COL13A1: variants seen among roughly 807,000 people sequenced by gnomAD.
COL13A1 encodes collagen type XIII alpha 1 chain.
A neutral mutation model predicts 130.9 loss-of-function variants in COL13A1; 89 were observed. The ratio of observed to expected loss-of-function variants is 0.68; its 90% CI spans 0.57 to 0.81. The LOEUF is 0.81. Among genes scored for constraint, COL13A1 ranks in the 30% least tolerant of loss-of-function variants. COL13A1 has a pLI of 0.00. For missense variants in COL13A1, 879 were observed against 934.6 expected, an observed-to-expected ratio of 0.94 and a Z score of 0.78; for synonymous variants, 402 against 341.6, an observed-to-expected ratio of 1.18 and a Z score of -1.95.
rs557116109 is a variant in COL13A1, at chr10:69,923,061, G to A, written c.1230+267G>A. 9.8e-5 allele frequency among the ~76,000 whole-genome samples: 15 copies of A among 152,332 alleles called. No homozygotes were observed. In the South Asian group the frequency reaches 3.1e-3, roughly 32 times the overall value. Reference sequence around the variant, plus strand: ...ATTCAGATGACTCTGATGTAACTGAGTCAGGGCGCAATGGCTGCAGGACCT... The same window carrying A: ...ATTCAGATGACTCTGATGTAACTGAATCAGGGCGCAATGGCTGCAGGACCT... On this transcript the variant is annotated intron_variant, in intron 23 of 40. Transcript: ENST00000645393.
At chr10:69,847,058 C>G (rs964613301) in intron 2 of COL13A1, among the ~76,000 whole-genome samples, 3 of 152,248 alleles carry the variant, frequency 2.0e-5, no homozygotes, top group Non-Finnish European at 4.4e-5. Context: ...GCTTCTTCAT[C>G]TTCTCTATTG....
chr10:69,882,079 C>T (rs1228419915), intron 7 of COL13A1, among the ~76,000 whole-genome samples: 2 of 152,200 alleles, frequency 1.3e-5, no homozygotes, highest in Non-Finnish European at 2.9e-5. Flanking sequence ...GCACCAATGC[C>T]CTGGCCAAAT....
chr10:69,900,554 A>G (rs1184596790), intron 14 of COL13A1, among the ~76,000 whole-genome samples: 1 of 152,224 alleles, frequency 6.6e-6, no homozygotes, highest in African/African-American at 2.4e-5. Flanking sequence ...CAGGTTTTTT[A>G]TGCTGTCAGC....
intron 1 of COL13A1, among the ~76,000 whole-genome samples, chr10:69,804,581 C>T (rs1374888261): frequency 1.3e-5 from 2 of 151,324 alleles, no homozygotes; most frequent in African/African-American, 2.4e-5. Flanking sequence ...AGTCACATGG[C>T]GAGGCCCAGG....
At chr10:69,907,726 A>C (rs1338690029) in intron 17 of COL13A1, among the ~76,000 whole-genome samples, 5 of 151,212 alleles carry the variant, frequency 3.3e-5, no homozygotes, top group African/African-American at 1.2e-4. Context: ...TAACTAACCC[A>C]CTCCTGCAAT....
At chr10:69,895,144 C>G (rs1439471139) in intron 12 of COL13A1, among the ~76,000 whole-genome samples, 1 of 152,226 alleles carries the variant, frequency 6.6e-6, no homozygotes, top group Non-Finnish European at 1.5e-5. Flanking sequence ...GCCTGGCGCT[C>G]CCAGCTCAGA....
chr10:69,900,509 T>A (rs904675080), intron 14 of COL13A1, among the ~76,000 whole-genome samples: 8 of 152,232 alleles, frequency 5.3e-5, no homozygotes, highest in African/African-American at 1.9e-4. Context: ...ACGAGGCACC[T>A]CTGAGCTACC....
intron 2 of COL13A1, among the ~76,000 whole-genome samples, chr10:69,847,681 C>T (rs917430519): frequency 6.6e-6 from 1 of 152,204 alleles, no homozygotes; most frequent in Non-Finnish European, 1.5e-5. Flanking sequence ...AGCATCTCAG[C>T]TTGGGAGGAA....
chr10:69,934,538 G>A (rs1332743058), intron 31 of COL13A1, among the ~76,000 whole-genome samples: 1 of 152,234 alleles, frequency 6.6e-6, no homozygotes, highest in African/African-American at 2.4e-5. Flanking sequence ...GGGAAGACGA[G>A]GCACCTGAGG....
intron 17 of COL13A1, among the ~76,000 whole-genome samples, chr10:69,910,501 C>T (rs1027802016): frequency 5.9e-5 from 9 of 152,296 alleles, no homozygotes; most frequent in Admixed American, 5.2e-4. Flanking sequence ...CCACCACCCC[C>T]AGCAGCTGGA....
chr10:69,822,296 A>G, intron 1 of COL13A1, 73 bp from the exon 2 acceptor site: 1 of 1,209,430 alleles, frequency 8.3e-7, no homozygotes, highest in Non-Finnish European at 1.1e-6. Context: ...CCTCCTCGTC[A>G]GCCCACAGCT....
rs540232470 is a variant in COL13A1, at chr10:69,898,560, C to T, written c.685-137C>T. ...CCTTCCCTCCCACTCCTCATGTGCACGCTAATCTCTCTTCTCTCTTCCTCT... is the reference window on the plus strand; with the variant it reads ...CCTTCCCTCCCACTCCTCATGTGCATGCTAATCTCTCTTCTCTCTTCCTCT... On this transcript the variant is annotated intron_variant, in intron 13 of 40. Coordinates refer to ENST00000645393, the MANE Select transcript of COL13A1 (RefSeq NM_001368882.1). The T allele has an allele frequency of 3.4e-4, 219 of 648,982 alleles. 2 individuals are homozygous for T. The Admixed American group carries it at 5.2e-3, about 16-fold the overall frequency. The allele number at this position is 648,982 out of a possible 1,614,324, so 40.2% of individuals were successfully genotyped here.
At chr10:69,836,409 C>T (rs1248622265) in intron 2 of COL13A1, among the ~76,000 whole-genome samples, 1 of 152,202 alleles carries the variant, frequency 6.6e-6, no homozygotes, top group Non-Finnish European at 1.5e-5. Context: ...GGCCCTGAGA[C>T]ATCAGATCTG....
At chr10:69,932,693 A>G in intron 31 of COL13A1, 89 bp downstream of exon 31, 1 of 869,434 alleles carries the variant, frequency 1.2e-6, no homozygotes, top group Non-Finnish European at 1.9e-6. Context: ...GAAGCTTGCA[A>G]CTGCCTGATG....
At chr10:69,886,024 C>T (rs1172224368) in intron 7 of COL13A1, among the ~76,000 whole-genome samples, 5 of 152,160 alleles carry the variant, frequency 3.3e-5, no homozygotes, top group South Asian at 2.1e-4. Context: ...CACTTATATT[C>T]GTGGCTTCAG....
chr10:69,931,290 G>A, intron 30 of COL13A1: 1 of 449,580 alleles, frequency 2.2e-6, no homozygotes, highest in Non-Finnish European at 4.5e-6. Context: ...AAGGTTGCCT[G>A]CAGGCAGCCA....
At chr10:69,880,103 CT>C (rs2059978325) in intron 6 of COL13A1, among the ~76,000 whole-genome samples, 1 of 151,920 alleles carries the variant, frequency 6.6e-6, no homozygotes. Context: ...CTTGCTAAGT[CT>C]CCCCTCTCTC....
rs370801451 is a variant in COL13A1, at chr10:69,889,709, CCAG to C, written c.603+271_603+273del. On this transcript the variant is annotated intron_variant, in intron 10 of 40. Coordinates refer to ENST00000645393, the MANE Select transcript of COL13A1 (RefSeq NM_001368882.1). Reference sequence around the variant, plus strand: ...GCTGGTAGCACACAGAGGTCGGTGTCCAGCTTACTGCTCTCAAACCACACTCGC... The same window carrying C: ...GCTGGTAGCACACAGAGGTCGGTGTCCTTACTGCTCTCAAACCACACTCGC... Among the ~76,000 whole-genome samples, 19,255 of 152,264 alleles carry C rather than the reference CCAG, an allele frequency of 0.13. 1,250 individuals carry two copies. Among genetic ancestry groups the C allele is most frequent in the Middle Eastern group, 0.18 (53 of 294 alleles).
chr10:69,882,739 G>C (rs1279637245), intron 7 of COL13A1, among the ~76,000 whole-genome samples: 4 of 152,230 alleles, frequency 2.6e-5, no homozygotes, highest in Non-Finnish European at 5.9e-5. Flanking sequence ...AAGTCCTCCA[G>C]GTGGGTGCCT....
Sources: gnomAD v4.1 joint callset for allele counts (sites outside exome capture counted in the v4.1 genomes callset) on GRCh38, gnomAD v4.1.1 for gene constraint, MANE v1.5 for transcripts, NCBI Gene and HGNC (gene_info 2026-07-23, HGNC 2026-07-21) for gene names.